The following MACROD2 variants were observed in gnomAD, a reference collection of about 807,000 sequenced individuals.
MACROD2 encodes mono-ADP ribosylhydrolase 2.
MACROD2 carries 36 observed loss-of-function variants against 70.4 expected under a neutral mutation model. That is an observed-to-expected ratio of 0.51 (90% CI 0.39 to 0.68). The LOEUF is 0.68. Among genes scored for constraint, MACROD2 ranks in the 30% least tolerant of loss-of-function variants. The probability of loss-of-function intolerance (pLI) is 0.00; values close to 1 mark genes in which losing one functional copy is unlikely to be tolerated. For synonymous variants in MACROD2, 172 were observed against 178.8 expected (o/e 0.96, Z 0.30); for missense variants, 496 against 538.4 (o/e 0.92, Z 0.78).
chr20:15,267,090 A>G lies in MACROD2; in HGVS notation c.540+37029A>G, dbSNP rs575096762. On this transcript the variant is annotated intron_variant, in intron 6 of 17. Coordinates refer to ENST00000684519, the MANE Select transcript of MACROD2 (RefSeq NM_001351661.2). ...AAGGACCAGCTCTAAGGACAAGAGC[A>G]TGCAAGGCCTGCAGTGAAAAACCTC... 7.5e-4 allele frequency among the ~76,000 whole-genome samples: 114 copies of G among 152,326 alleles called. 3 individuals carry two copies. The South Asian group carries it at 0.018, about 24-fold the overall frequency.
chr20:14,399,669 T>A (rs1184991165), intron 3 of MACROD2, among the ~76,000 whole-genome samples: 1 of 152,186 alleles, frequency 6.6e-6, no homozygotes, highest in Non-Finnish European at 1.5e-5. Context: ...CCTCCCTGAC[T>A]TTGGGGATGC....
At chr20:15,720,152 G>T (rs529432211) in intron 8 of MACROD2, among the ~76,000 whole-genome samples, 26 of 152,242 alleles carry the variant, frequency 1.7e-4, no homozygotes, top group African/African-American at 6.0e-4. Flanking sequence ...TAGCCAAATA[G>T]TATTCTATTG....
intron 4 of MACROD2, among the ~76,000 whole-genome samples, chr20:14,565,492 A>T (rs544067708): frequency 6.7e-6 from 1 of 149,708 alleles, no homozygotes; most frequent in South Asian, 2.1e-4. Context: ...ATATAAATAG[A>T]AGGATATAAT....
At chr20:15,788,070 AG>A (rs2051961288) in intron 8 of MACROD2, among the ~76,000 whole-genome samples, 1 of 152,196 alleles carries the variant, frequency 6.6e-6, no homozygotes, top group Non-Finnish European at 1.5e-5. Flanking sequence ...ATCCACAGGC[AG>A]CTCATTTGAG....
chr20:14,321,774 T>C (rs2082662867), intron 3 of MACROD2, among the ~76,000 whole-genome samples: 1 of 152,146 alleles, frequency 6.6e-6, no homozygotes, highest in South Asian at 2.1e-4. Flanking sequence ...TTCTTTTCAC[T>C]AGTTTGTTTG....
chr20:14,278,623 A>C (rs1478045065), intron 3 of MACROD2, among the ~76,000 whole-genome samples: 2 of 152,208 alleles, frequency 1.3e-5, no homozygotes, highest in Non-Finnish European at 2.9e-5. Flanking sequence ...GCATAATATA[A>C]ATTTAATCTG....
At chr20:15,021,669 TA>T (rs2075186818) in intron 5 of MACROD2, 1 of 151,746 alleles carries the variant, frequency 6.6e-6, no homozygotes, top group South Asian at 2.1e-4. Context: ...CAAGAGACAA[TA>T]AAAATACCAG....
At chr20:14,943,119 A>G (rs78729545) in intron 5 of MACROD2, among the ~76,000 whole-genome samples, 2,604 of 152,282 alleles carry the variant, frequency 0.017, 78 homozygotes, top group African/African-American at 0.059. Flanking sequence ...CTGACAGTTG[A>G]AAAGTGTTCA....
intron 8 of MACROD2, among the ~76,000 whole-genome samples, chr20:15,790,818 T>C (rs2147055581): frequency 6.6e-6 from 1 of 152,084 alleles, no homozygotes; most frequent in South Asian, 2.1e-4. Flanking sequence ...AATTAGTTAA[T>C]ATAGAAAAGT....
intron 3 of MACROD2, among the ~76,000 whole-genome samples, chr20:14,156,345 A>G (rs1415188166): frequency 6.6e-6 from 1 of 152,080 alleles, no homozygotes; most frequent in Non-Finnish European, 1.5e-5. Context: ...TAGCTTTCTT[A>G]TTTTGCCTTT....
rs1568534577 is a variant in MACROD2, at chr20:15,021,117, T to TACACGTGTGTATACACATACGTGTGTGTA, written c.419-208822_419-208794dup. Among the ~76,000 whole-genome samples, 6 of 118,930 alleles carry TACACGTGTGTATACACATACGTGTGTGTA rather than the reference T, an allele frequency of 5.0e-5. 1 individual carries two copies. The highest frequency in any genetic ancestry group is 1.1e-4 in the Non-Finnish European group (6 of 55,702). The allele number at this position is 118,930 out of a possible 152,430, so 78.0% of individuals were successfully genotyped here. ...GTATGTGTATACACGTGTATGTGTA[T>TACACGTGTGTATACACATACGTGTGTGTA]ACACGTGTGTATACACATACGTGTG... is the stretch of plus-strand genomic sequence containing the variant. On this transcript the variant is annotated intron_variant, in intron 5 of 17. Coordinates refer to ENST00000684519, the MANE Select transcript of MACROD2 (RefSeq NM_001351661.2).
At chr20:15,083,092 T>A (rs1376211734) in intron 5 of MACROD2, among the ~76,000 whole-genome samples, 1 of 152,212 alleles carries the variant, frequency 6.6e-6, no homozygotes, top group Admixed American at 6.5e-5. Flanking sequence ...AATTTAAAAC[T>A]GTCATTTAAC....
At chr20:14,053,882 G>A (rs950517342) in intron 2 of MACROD2, among the ~76,000 whole-genome samples, 1 of 151,902 alleles carries the variant, frequency 6.6e-6, no homozygotes, top group Non-Finnish European at 1.5e-5. Flanking sequence ...TTTTTAAATA[G>A]TAAATATGTT....
At chr20:14,002,180 C>G (rs1374490104) in intron 1 of MACROD2, 108 bp from the exon 2 acceptor site, 4 of 582,842 alleles carry the variant, frequency 6.9e-6, no homozygotes. Flanking sequence ...TTCTTCAGGA[C>G]TGTATCAACT....
At chr20:15,746,562 TAA>T (rs536288457) in intron 8 of MACROD2, among the ~76,000 whole-genome samples, 1,083 of 107,042 alleles carry the variant, frequency 0.01, 10 homozygotes, top group African/African-American at 0.033. Context: ...TGGTTTCCAG[TAA>T]AAAAAAAAAA....
chr20:15,036,633 C>T (rs887405202), intron 5 of MACROD2, among the ~76,000 whole-genome samples: 5 of 152,080 alleles, frequency 3.3e-5, no homozygotes, highest in African/African-American at 7.2e-5. Context: ...AAATCACCAC[C>T]GTGATTTTTA....
At chr20:15,599,338 G>A (rs2048787973) in intron 8 of MACROD2, among the ~76,000 whole-genome samples, 1 of 152,114 alleles carries the variant, frequency 6.6e-6, no homozygotes, top group Non-Finnish European at 1.5e-5. Context: ...GTTGCAGTGA[G>A]CCGAGATCGC....
At chr20:14,006,558 T>G (rs2052824885) in intron 2 of MACROD2, among the ~76,000 whole-genome samples, 1 of 152,222 alleles carries the variant, frequency 6.6e-6, no homozygotes, top group African/African-American at 2.4e-5. Context: ...TTGATATAAT[T>G]AAATATCCAC....
At chr20:15,314,549 G>A (rs544405181) in intron 6 of MACROD2, among the ~76,000 whole-genome samples, 13 of 152,306 alleles carry the variant, frequency 8.5e-5, no homozygotes, top group East Asian at 1.9e-4. Context: ...GTGTGAGACC[G>A]TGTCCCTGAT....
Sources: gnomAD v4.1 joint callset for allele counts (sites outside exome capture counted in the v4.1 genomes callset) on GRCh38, gnomAD v4.1.1 for gene constraint, MANE v1.5 for transcripts, NCBI Gene and HGNC (gene_info 2026-07-23, HGNC 2026-07-21) for gene names.